The following ELMO1 variants were observed in gnomAD, a reference collection of about 807,000 sequenced individuals.
ELMO1 encodes engulfment and cell motility 1, also known as engulfment and cell motility protein 1.
Under a neutral mutation model 98.9 loss-of-function variants are expected in ELMO1, and 26 were observed. That is an observed-to-expected ratio of 0.26 (90% CI 0.19 to 0.36). The LOEUF is 0.36. Ranked by LOEUF, ELMO1 falls within the 10% of genes least tolerant of loss-of-function variation. ELMO1 has a pLI of 1.00. For synonymous variants in ELMO1, 346 were observed against 346.0 expected, an observed-to-expected ratio of 1.00 and a Z score of 0.00; for missense variants, 627 against 935.2, an observed-to-expected ratio of 0.67 and a Z score of 4.30.
At chr7:37,204,206 C>A (rs1792471110) in intron 13 of ELMO1, 1 of 456,048 alleles carries the variant, frequency 2.2e-6, no homozygotes, top group Non-Finnish European at 4.4e-6. Context: ...CTTGGTCTTG[C>A]TGACTTCAAG....
intron 1 of ELMO1, among the ~76,000 whole-genome samples, chr7:37,358,906 T>G (rs1801593916): frequency 6.6e-6 from 1 of 152,196 alleles, no homozygotes; most frequent in South Asian, 2.1e-4. Context: ...TGACTTGGGC[T>G]GGAGTGGTCG....
At chr7:37,276,824 C>T (rs559570898) in intron 4 of ELMO1, among the ~76,000 whole-genome samples, 12 of 152,342 alleles carry the variant, frequency 7.9e-5, no homozygotes, top group South Asian at 4.1e-4. Flanking sequence ...TTCTGTCTCA[C>T]AAGCATGCTT....
chr7:37,168,475 C>A (rs536116781), intron 13 of ELMO1, among the ~76,000 whole-genome samples: 1 of 151,984 alleles, frequency 6.6e-6, no homozygotes, highest in South Asian at 2.1e-4. Context: ...GTTTTATCTA[C>A]TTTTGGTCTT....
At chr7:37,042,441 C>A (rs74479734) in intron 15 of ELMO1, among the ~76,000 whole-genome samples, 54 of 152,232 alleles carry the variant, frequency 3.5e-4, no homozygotes, top group African/African-American at 1.3e-3. Flanking sequence ...TGATTTCTTT[C>A]TTTCCTGTGC....
intron 15 of ELMO1, among the ~76,000 whole-genome samples, chr7:37,090,328 C>G (rs1784016707): frequency 6.6e-6 from 1 of 152,218 alleles, no homozygotes; most frequent in Admixed American, 6.5e-5. Context: ...ATCATGCTCA[C>G]AAGTCTGTCA....
rs116082475 is a variant in ELMO1 at position 36,997,483 on chromosome 7, A to T, written c.1437+15816T>A. On this transcript the variant is annotated intron_variant, in intron 16 of 21. Coordinates refer to ENST00000310758, the MANE Select transcript of ELMO1 (RefSeq NM_014800.11). ...AGTGGTGAATCAGTAGGACTTGGGGACCTACTAGAGAGAAAAGGTAGGGAA... is the reference window on the plus strand; with the variant it reads ...AGTGGTGAATCAGTAGGACTTGGGGTCCTACTAGAGAGAAAAGGTAGGGAA... Among the ~76,000 whole-genome samples the T allele has an allele frequency of 3.9e-3, 600 of 152,164 alleles. 5 individuals are homozygous for T. Among genetic ancestry groups the T allele is most frequent in the African/African-American group, 0.014 (565 of 41,504 alleles).
intron 1 of ELMO1, among the ~76,000 whole-genome samples, chr7:37,441,609 G>C (rs1805419435): frequency 2.0e-5 from 3 of 152,168 alleles, no homozygotes; most frequent in Non-Finnish European, 4.4e-5. Context: ...AAGCCAAGCT[G>C]AGCTTTGCTA....
At chr7:36,909,083 C>G (rs1784165599) in intron 16 of ELMO1, among the ~76,000 whole-genome samples, 3 of 152,118 alleles carry the variant, frequency 2.0e-5, no homozygotes, top group Non-Finnish European at 2.9e-5. Flanking sequence ...TAAACTATTA[C>G]AATGGAAACA....
At chr7:37,189,027 T>A (rs2130122394) in intron 13 of ELMO1, among the ~76,000 whole-genome samples, 1 of 152,346 alleles carries the variant, frequency 6.6e-6, no homozygotes, top group Non-Finnish European at 1.5e-5. Context: ...GAACTGTGCT[T>A]CTAGTGATTA....
intron 21 of ELMO1, among the ~76,000 whole-genome samples, chr7:36,859,922 C>T (rs1802482539): frequency 6.6e-6 from 1 of 152,106 alleles, no homozygotes; most frequent in Non-Finnish European, 1.5e-5. Flanking sequence ...TAGCCTCTGC[C>T]ACCCCTGAGA....
rs535605594 is a variant in ELMO1, at chr7:36,922,981, G to T, written c.1438-27964C>A. Among the ~76,000 whole-genome samples, 3 of 152,242 alleles carry T rather than the reference G, an allele frequency of 2.0e-5. No homozygotes were observed. In the South Asian group the frequency reaches 6.2e-4, roughly 32 times the overall value. ...GATGGGCACACCACTGGTCTCTAGGGATCTCACTGTCACAGCCCAGTCCCT... is the reference window on the plus strand; with the variant it reads ...GATGGGCACACCACTGGTCTCTAGGTATCTCACTGTCACAGCCCAGTCCCT... On this transcript the variant is annotated intron_variant, in intron 16 of 21. Coordinates refer to ENST00000310758, the MANE Select transcript of ELMO1 (RefSeq NM_014800.11).
intron 19 of ELMO1, among the ~76,000 whole-genome samples, chr7:36,874,019 T>A (rs552124300): frequency 4.5e-4 from 68 of 152,248 alleles, no homozygotes; most frequent in African/African-American, 1.6e-3. Context: ...AAGAACCTGG[T>A]CTCTGTGGCC....
At chr7:36,966,831 T>C (rs957406656) in intron 16 of ELMO1, among the ~76,000 whole-genome samples, 3 of 152,240 alleles carry the variant, frequency 2.0e-5, no homozygotes, top group Admixed American at 2.0e-4. Flanking sequence ...CCAGTTTTAT[T>C]TAAGAGATGC....
At chr7:36,947,065 C>T (rs575343534) in intron 16 of ELMO1, among the ~76,000 whole-genome samples, 9 of 152,252 alleles carry the variant, frequency 5.9e-5, no homozygotes, top group African/African-American at 7.2e-5. Context: ...CTATTGAACC[C>T]GTCACCCAAA....
At chr7:37,286,919 G>T (rs1162603257) in intron 4 of ELMO1, among the ~76,000 whole-genome samples, 3 of 152,150 alleles carry the variant, frequency 2.0e-5, no homozygotes, top group Non-Finnish European at 4.4e-5. Flanking sequence ...CATAGGCTGG[G>T]CACAGTGGCT....
chr7:37,079,898 A>C (rs1000507995), intron 15 of ELMO1, among the ~76,000 whole-genome samples: 3 of 152,178 alleles, frequency 2.0e-5, no homozygotes, highest in African/African-American at 7.2e-5. Flanking sequence ...TATACTGTTG[A>C]TGCTCAAAGT....
At chr7:37,033,135 T>A (rs1174376067) in intron 15 of ELMO1, among the ~76,000 whole-genome samples, 2 of 152,178 alleles carry the variant, frequency 1.3e-5, no homozygotes, top group African/African-American at 4.8e-5. Flanking sequence ...CGCTGTCTCC[T>A]GGAAGCCATT....
chr7:37,045,275 T>A (rs749036305), intron 15 of ELMO1, among the ~76,000 whole-genome samples: 1 of 152,164 alleles, frequency 6.6e-6, no homozygotes, highest in Admixed American at 6.5e-5. Flanking sequence ...ATGAATATAA[T>A]ACACTGCTGT....
At chr7:37,431,430 A>T (rs150043383) in intron 1 of ELMO1, among the ~76,000 whole-genome samples, 112 of 152,348 alleles carry the variant, frequency 7.4e-4, no homozygotes, top group African/African-American at 2.5e-3. Context: ...TAAAAGTGGG[A>T]ATAGATGAGA....
Sources: allele counts gnomAD v4.1 joint callset (sites outside exome capture counted in the v4.1 genomes callset), GRCh38; gene constraint gnomAD v4.1.1; transcripts MANE v1.5; gene names NCBI Gene and HGNC (gene_info 2026-07-23, HGNC 2026-07-21).